The following OR51B5 variants were observed in gnomAD, a reference collection of about 807,000 sequenced individuals.
The protein encoded by OR51B5 is olfactory receptor 51B5.
For missense variants in OR51B5, 456 were observed against 374.6 expected (o/e 1.22, Z -1.79); for synonymous variants, 186 against 144.8 (o/e 1.28, Z -2.04).
chr11:5,348,409 G>A (rs571178876), upstream of OR51B5, among the ~76,000 whole-genome samples: 30 of 152,130 alleles, frequency 2.0e-4, no homozygotes, highest in South Asian at 5.8e-3. Flanking sequence ...GTCCAGATAA[G>A]TGCCAAATAT....
chr11:5,440,930 A>T, intron 1 of OR51B5: 2 of 1,613,926 alleles, frequency 1.2e-6, no homozygotes, highest in Non-Finnish European at 8.5e-7. Context: ...TGTTGTTAAC[A>T]TGGATGTCTC....
chr11:5,453,567 C>T (rs1272381671), intron 1 of OR51B5: 1 of 1,611,136 alleles, frequency 6.2e-7, no homozygotes, highest in South Asian at 1.1e-5. Flanking sequence ...TCACTCCTGG[C>T]TGTCAGGGCC....
intron 1 of OR51B5, among the ~76,000 whole-genome samples, chr11:5,488,461 G>A (rs1311669248): frequency 3.3e-5 from 5 of 152,116 alleles, no homozygotes; most frequent in Non-Finnish European, 7.4e-5. Flanking sequence ...TAAATACTTA[G>A]CTTGGTGCTT....
chr11:5,393,669 G>A (rs1849829507), intron 1 of OR51B5, among the ~76,000 whole-genome samples: 1 of 152,282 alleles, frequency 6.6e-6, no homozygotes, highest in African/African-American at 2.4e-5. Flanking sequence ...TCACGGTAGA[G>A]AGGGCTGAGT....
At chr11:5,439,892 C>T (rs534956044) in intron 1 of OR51B5, among the ~76,000 whole-genome samples, 36 of 152,246 alleles carry the variant, frequency 2.4e-4, no homozygotes, top group African/African-American at 7.9e-4. Flanking sequence ...ATCTGTTTCT[C>T]TATAAAGCTA....
At chr11:5,417,587 A>G (rs1157934695) in intron 1 of OR51B5, among the ~76,000 whole-genome samples, 4 of 151,544 alleles carry the variant, frequency 2.6e-5, no homozygotes, top group South Asian at 2.1e-4. Context: ...ACAAGAAAAA[A>G]AAAACCCCAT....
chr11:5,434,775 T>C lies in OR51B5; in HGVS notation n.84+70794A>G, dbSNP rs369470123. On this transcript the variant is annotated intron_variant and non_coding_transcript_variant, in intron 1 of 4. Transcript: ENST00000415970. ...ACTCCTAAGATGCCTTATTTCAATCTCATAACAGCCATATCAAGTGACTTG... is the reference window on the plus strand; with the variant it reads ...ACTCCTAAGATGCCTTATTTCAATCCCATAACAGCCATATCAAGTGACTTG... Among the ~76,000 whole-genome samples, 51 of 152,274 alleles carry C rather than the reference T, an allele frequency of 3.3e-4. 2 individuals carry two copies. The South Asian group carries it at 0.01, about 31-fold the overall frequency.
intron 1 of OR51B5, chr11:5,351,651 G>A (rs77135024): frequency 0.15 from 249,341 of 1,613,860 alleles, 20,087 homozygotes; most frequent in Admixed American, 0.18. Context: ...TTCTCATCAG[G>A]AATGATCATA....
At chr11:5,486,005 C>A (rs1182622445) in intron 1 of OR51B5, among the ~76,000 whole-genome samples, 1 of 151,918 alleles carries the variant, frequency 6.6e-6, no homozygotes, top group East Asian at 1.9e-4. Flanking sequence ...AGGGCACAGG[C>A]AGAGAGGGAA....
chr11:5,393,775 G>A (rs976916385), intron 1 of OR51B5, among the ~76,000 whole-genome samples: 3 of 152,056 alleles, frequency 2.0e-5, no homozygotes, highest in African/African-American at 7.2e-5. Context: ...TTTAAAATTA[G>A]GAAACTGAGG....
intron 1 of OR51B5, chr11:5,468,567 C>T: frequency 2.3e-6 from 1 of 427,024 alleles, no homozygotes; most frequent in Non-Finnish European, 4.7e-6. Context: ...TTGGGTAGAG[C>T]ATTGGAGGTA....
At chr11:5,440,739 G>A (rs373951420) in intron 1 of OR51B5, 14 of 1,613,968 alleles carry the variant, frequency 8.7e-6, no homozygotes, top group Admixed American at 1.7e-5. Flanking sequence ...CATGGAGACA[G>A]CAATTATGGG....
intron 1 of OR51B5, chr11:5,488,539 T>C (rs1350198304): frequency 3.3e-6 from 2 of 597,638 alleles, no homozygotes; most frequent in Admixed American, 3.0e-5. Flanking sequence ...ATGAATTATA[T>C]GTGGTAGTCA....
chr11:5,395,716 A>G (rs1025141764), intron 1 of OR51B5, among the ~76,000 whole-genome samples: 2 of 152,216 alleles, frequency 1.3e-5, no homozygotes, highest in Non-Finnish European at 2.9e-5. Flanking sequence ...ATCTTTCAAC[A>G]TAGTAAAAAA....
At chr11:5,444,766 TG>T (rs1850737643) in intron 1 of OR51B5, among the ~76,000 whole-genome samples, 1 of 152,124 alleles carries the variant, frequency 6.6e-6, no homozygotes, top group South Asian at 2.1e-4. Context: ...TGGAAATAAC[TG>T]GGAAGGTGGT....
chr11:5,479,326 C>T (rs1392262854), intron 1 of OR51B5, among the ~76,000 whole-genome samples: 1 of 151,294 alleles, frequency 6.6e-6, no homozygotes, highest in Non-Finnish European at 1.5e-5. Flanking sequence ...GATTTTGTCA[C>T]CACCAGGTCT....
intron 1 of OR51B5, among the ~76,000 whole-genome samples, chr11:5,409,994 A>G (rs1401718106): frequency 1.3e-5 from 2 of 152,296 alleles, no homozygotes; most frequent in East Asian, 1.9e-4. Flanking sequence ...AGATTTATAT[A>G]TGTAAAATAA....
rs1326629370 is a variant in OR51B5 at position 5,480,453 on chromosome 11, A to G, written n.84+25116T>C. 3.4e-4 allele frequency among the ~76,000 whole-genome samples: 51 copies of G among 150,864 alleles called. 1 individual carries two copies. Among genetic ancestry groups the G allele is most frequent in the African/African-American group, 8.5e-4 (35 of 41,250 alleles). On this transcript the variant is annotated intron_variant and non_coding_transcript_variant, in intron 1 of 4. Transcript: ENST00000415970. ...TAACATCACAATTAAAAGAACTAGA[A>G]AAGCAAGAGCAAACACATTCAAAAG... is the stretch of plus-strand genomic sequence containing the variant.
intron 1 of OR51B5, chr11:5,351,791 G>A (rs1187542772): frequency 1.2e-6 from 2 of 1,614,102 alleles, no homozygotes; most frequent in South Asian, 1.1e-5. Context: ...CATGGAGCCT[G>A]CTTCTCTCAG....
Sources: gnomAD v4.1 joint callset for allele counts (sites outside exome capture counted in the v4.1 genomes callset) on GRCh38, gnomAD v4.1.1 for gene constraint, MANE v1.5 for transcripts, NCBI Gene and HGNC (gene_info 2026-07-23, HGNC 2026-07-21) for gene names.